The following TFAP2B variants were observed in gnomAD, a reference collection of about 807,000 sequenced individuals.
TFAP2B encodes transcription factor AP-2-beta.
TFAP2B carries 9 observed loss-of-function variants against 44.3 expected under a neutral mutation model. That is an observed-to-expected ratio of 0.20 (90% CI 0.12 to 0.35). The LOEUF is 0.35. Ranked by LOEUF, TFAP2B falls within the 10% of genes least tolerant of loss-of-function variation. The pLI is 1.00. For missense variants in TFAP2B, 509 were observed against 600.0 expected (o/e 0.85, Z 1.59); for synonymous variants, 270 against 263.8 (o/e 1.02, Z -0.23).
rs1229603856 is a variant in TFAP2B at position 50,846,692 on chromosome 6, CT to C, written c.*3301del. The C allele has an allele frequency of 1.4e-4, 21 of 152,364 alleles. No homozygotes were observed. The highest frequency in any genetic ancestry group is 5.1e-4 in the African/African-American group (21 of 41,578). 9.4% of individuals were successfully genotyped at this position (152,364 alleles called of 1,614,324 possible). On this transcript the variant is annotated 3_prime_UTR_variant, in exon 7 of 7. Coordinates refer to ENST00000393655, the MANE Select transcript of TFAP2B (RefSeq NM_003221.4). The stretch of plus-strand genomic sequence containing the variant: ...AGGTCTCTGGGGAGCAAGAAATGTC[CT>C]GTTTGGGTGAGGATTCCGTCACCTA...
At chr6:50,830,834 T>C (rs892085321) in intron 3 of TFAP2B, among the ~76,000 whole-genome samples, 25 of 152,202 alleles carry the variant, frequency 1.6e-4, no homozygotes. Flanking sequence ...TTATGAGAGA[T>C]GTTTCCAAGA....
rs965269436 is a variant in TFAP2B, at chr6:50,845,854, T to G, written c.*2462T>G. On this transcript the variant is annotated 3_prime_UTR_variant, in exon 7 of 7. Transcript: ENST00000393655. The stretch of plus-strand genomic sequence containing the variant: ...AGGGGCTGCCGACTGCGCGGGCCCT[T>G]CCCGCTCTCGGTCTCACCCTAAGGG... The G allele has an allele frequency of 6.6e-6, 1 of 152,664 alleles. No homozygotes were observed. The highest frequency in any genetic ancestry group is 1.9e-4 in the East Asian group (1 of 5,158). The allele number at this position is 152,664 out of a possible 1,614,324, so 9.5% of individuals were successfully genotyped here.
rs570115387 is a variant in TFAP2B, at chr6:50,823,999, C to A, written c.540+134C>A. The A allele has an allele frequency of 4.1e-6, 4 of 981,574 alleles. No homozygotes were observed. The Admixed American group carries it at 6.0e-5, about 15-fold the overall frequency. The allele number at this position is 981,574 out of a possible 1,614,324, so 60.8% of individuals were successfully genotyped here. A position where few individuals can be genotyped will look rare whatever the true frequency, so the allele number is the denominator to read the frequency against. On this transcript the variant is annotated intron_variant, in intron 2 of 6. Coordinates refer to ENST00000393655, the MANE Select transcript of TFAP2B (RefSeq NM_003221.4). ...TTCCCATGTTTAGAACAGGACTAGA[C>A]AGTCATATAGAACTGTTTATGTGTG...
At position 50,823,686 on chromosome 6, in the gene TFAP2B, C is replaced by G. The variant is rs1403673906; in HGVS notation, c.361C>G (p.Leu121Val). 6.2e-7 allele frequency: 1 copy of G among 1,613,858 alleles called. No homozygotes were observed. The highest frequency in any genetic ancestry group is 1.1e-5 in the South Asian group (1 of 91,060). The change falls in exon 2 of 7, where the codon CTC becomes GTC. Residue 121 changes from leucine to valine, a missense_variant. Physicochemically the swap from Leu to Val is conservative, Grantham distance 32 (BLOSUM62 1). Around this residue, in one of 3 missense-constraint regions of TFAP2B, gnomAD observed 296 missense variants for 308.2 expected, o/e 0.96. Transcript: ENST00000393655. ...AGAAGTGGGTTCGGAAGCCGGCTCT[C>G]TCCTGCCCCAGCCTCGGGCCGCCTT... ...RQEVGSEAGS[L>V]LPQPRAALPQ... is the part of the protein sequence containing the mutation.
chr6:50,822,227 G>GTC, intron 1 of TFAP2B: 1 of 1,219,936 alleles, frequency 8.2e-7, no homozygotes, highest in South Asian at 1.3e-5. Context: ...CTGTCTCTGC[G>GTC]TCTCTGTGTG....
rs939682057 is a variant in TFAP2B at position 50,838,043 on chromosome 6, C to T, written c.890C>T (p.Ala297Val). ...GAAAAAATCGGTTTGAATTTACCCG[C>T]GGGCAGGCGCAAAGCAGCAAATGTC... ...RLEKIGLNLP[A>V]GRRKAANVTL... Residue 297 changes from alanine (A) to valine (V), a missense_variant, in exon 5 of 7, where the codon GCG becomes GTG. By Grantham distance (64) the Ala-to-Val change is moderately conservative. Coordinates refer to ENST00000393655, the MANE Select transcript of TFAP2B (RefSeq NM_003221.4). 2 of 1,614,176 alleles carry T rather than the reference C, an allele frequency of 1.2e-6. No homozygotes were observed. The highest frequency in any genetic ancestry group is 1.7e-6 in the Non-Finnish European group (2 of 1,180,032).
At chr6:50,831,651 T>C (rs1181683360) in intron 3 of TFAP2B, among the ~76,000 whole-genome samples, 2 of 129,234 alleles carry the variant, frequency 1.5e-5, no homozygotes, top group Admixed American at 1.5e-4. Flanking sequence ...TCCATTAAGA[T>C]TAGAAATCTG....
At chr6:50,840,749 A>G (rs1039884722) in intron 6 of TFAP2B, among the ~76,000 whole-genome samples, 5 of 152,220 alleles carry the variant, frequency 3.3e-5, no homozygotes, top group African/African-American at 4.8e-5. Flanking sequence ...GCTGTTTGTC[A>G]TCTTCCACAG....
At position 50,844,785 on chromosome 6, in the gene TFAP2B, G is replaced by A. The variant is rs1250549200; in HGVS notation, c.*1393G>A. 1 of 152,214 alleles carries A rather than the reference G, an allele frequency of 6.6e-6. No individual in the cohort carries two copies. The highest frequency in any genetic ancestry group is 1.5e-5 in the Non-Finnish European group (1 of 68,034). 9.4% of individuals were successfully genotyped at this position (152,214 alleles called of 1,614,324 possible). A position where few individuals can be genotyped will look rare whatever the true frequency, so the allele number is the denominator to read the frequency against. On this transcript the variant is annotated 3_prime_UTR_variant, in exon 7 of 7. Coordinates refer to ENST00000393655, the MANE Select transcript of TFAP2B (RefSeq NM_003221.4). ...TAAGCAAGGAAAGAAGCAGCTTTAC[G>A]AGTGGACGTGGGGAGGAGGGCGGCA...
chr6:50,824,889 A>AT (rs1770460987), intron 2 of TFAP2B, among the ~76,000 whole-genome samples: 1 of 152,252 alleles, frequency 6.6e-6, no homozygotes, highest in African/African-American at 2.4e-5. Context: ...GGCAGAAAAG[A>AT]TAAATATAGT....
chr6:50,841,948 A>G (rs960490772), intron 6 of TFAP2B, among the ~76,000 whole-genome samples: 1 of 152,216 alleles, frequency 6.6e-6, no homozygotes, highest in Non-Finnish European at 1.5e-5. Context: ...CCACTATCCC[A>G]AAGTGGCAGC....
At chr6:50,830,500 C>T (rs1770643956) in intron 3 of TFAP2B, among the ~76,000 whole-genome samples, 1 of 152,112 alleles carries the variant, frequency 6.6e-6, no homozygotes, top group Non-Finnish European at 1.5e-5. Context: ...CAGAAGAGTA[C>T]ATTTTATGTC....
At chr6:50,827,183 A>G (rs1770553221) in intron 2 of TFAP2B, among the ~76,000 whole-genome samples, 1 of 152,168 alleles carries the variant, frequency 6.6e-6, no homozygotes, top group Non-Finnish European at 1.5e-5. Context: ...GCACAGGAGA[A>G]TATTTCTGTC....
chr6:50,831,035 G>A (rs1285308623), intron 3 of TFAP2B, among the ~76,000 whole-genome samples: 1 of 152,290 alleles, frequency 6.6e-6, no homozygotes, highest in Non-Finnish European at 1.5e-5. Flanking sequence ...TGTTTATGAA[G>A]CTAGAAGACT....
At chr6:50,823,986 G>A (rs1937576746) in intron 2 of TFAP2B, 121 bp downstream of exon 2, 2 of 1,097,976 alleles carry the variant, frequency 1.8e-6, no homozygotes, top group African/African-American at 1.5e-5. Flanking sequence ...CCCATGTTTA[G>A]AACAGGACTA....
At chr6:50,841,408 G>C (rs1293633948) in intron 6 of TFAP2B, among the ~76,000 whole-genome samples, 1 of 152,006 alleles carries the variant, frequency 6.6e-6, no homozygotes, top group African/African-American at 2.4e-5. Flanking sequence ...TGCCCCTTGC[G>C]CTGGTGTCTG....
chr6:50,827,110 T>C (rs1367866990), intron 2 of TFAP2B, among the ~76,000 whole-genome samples: 1 of 151,492 alleles, frequency 6.6e-6, no homozygotes, highest in East Asian at 1.9e-4. Context: ...CGTACAAGAG[T>C]GAGGGTAAGG....
In TFAP2B at chr6:50,828,667, G is replaced by T. The variant is rs758905733; in HGVS notation, c.589G>T (p.Val197Phe). The change falls in exon 3 of 7, where the codon GTC (valine) becomes TTC (phenylalanine). Residue 197 changes from valine to phenylalanine, a missense_variant. Transcript: ENST00000393655. Reference sequence around the variant, plus strand: ...CGGCATGAATCTATTGGACCAGTCTGTCATTAAAAAAGGTATGGATAATTC... The same window carrying T: ...CGGCATGAATCTATTGGACCAGTCTTTCATTAAAAAAGGTATGGATAATTC... ...NSGMNLLDQS[V>F]IKKVPVPPKS... 2 of 1,614,042 alleles carry T rather than the reference G, an allele frequency of 1.2e-6. No individual in the cohort carries two copies. The highest frequency in any genetic ancestry group is 1.7e-6 in the Non-Finnish European group (2 of 1,179,968).
At position 50,828,692 on chromosome 6, in the gene TFAP2B, C is replaced by T. The variant is rs1392895559; in HGVS notation, c.601+13C>T. ...GTCATTAAAAAAGGTATGGATAATTCCCCCCAAAAAGTAAGCAAAGTTCTC... is the reference window on the plus strand; with the variant it reads ...GTCATTAAAAAAGGTATGGATAATTTCCCCCAAAAAGTAAGCAAAGTTCTC... On this transcript the variant is annotated intron_variant, in intron 3 of 6. Coordinates refer to ENST00000393655, the MANE Select transcript of TFAP2B (RefSeq NM_003221.4). 3 of 1,613,722 alleles carry T rather than the reference C, an allele frequency of 1.9e-6. No homozygotes were observed. Among genetic ancestry groups the T allele is most frequent in the Non-Finnish European group, 1.7e-6 (2 of 1,179,804 alleles).
Sources: gnomAD v4.1 joint callset for allele counts (sites outside exome capture counted in the v4.1 genomes callset) on GRCh38, gnomAD v4.1.1 for gene constraint, gnomAD v4.1.1 regional missense constraint, MANE v1.5 for transcripts, NCBI Gene and HGNC (gene_info 2026-07-23, HGNC 2026-07-21) for gene names.